The following TAAR5 variants were observed in gnomAD, a reference collection of about 807,000 sequenced individuals.
TAAR5 encodes trace amine-associated receptor 5.
Under a neutral mutation model 21.1 loss-of-function variants are expected in TAAR5, and 27 were observed. That is an observed-to-expected ratio of 1.28 (90% CI 0.94 to 1.76). TAAR5 has a LOEUF of 1.76. TAAR5 is among the 40% of genes most tolerant of loss of function. TAAR5 has a pLI of 0.00. For missense variants in TAAR5, 495 were observed against 405.6 expected (o/e 1.22, Z -1.89); for synonymous variants, 203 against 167.5 (o/e 1.21, Z -1.64).
chr6:132,594,546 C>T (rs937808661), upstream of TAAR5: 8 of 152,152 alleles, frequency 5.3e-5, no homozygotes, highest in African/African-American at 1.9e-4. Context: ...CAGAGGAAGA[C>T]ATTGTACAGA....
At chr6:132,610,849 G>A in the TAAR5 span, among the ~76,000 whole-genome samples, 1 of 152,090 alleles carries the variant, frequency 6.6e-6, no homozygotes, top group Non-Finnish European at 1.5e-5. Flanking sequence ...GGTGATGGGA[G>A]GTGTGCAGGG....
the TAAR5 span, among the ~76,000 whole-genome samples, chr6:132,605,296 G>A: frequency 6.6e-6 from 1 of 152,218 alleles, no homozygotes; most frequent in Non-Finnish European, 1.5e-5. Context: ...GAAGACAGGG[G>A]TGGAAGGGAA....
chr6:132,593,914 G>A (rs558317249), upstream of TAAR5, among the ~76,000 whole-genome samples: 4 of 152,004 alleles, frequency 2.6e-5, no homozygotes, highest in East Asian at 3.9e-4. Context: ...CTCCCTTTCC[G>A]CATCACTAGC....
the TAAR5 span, among the ~76,000 whole-genome samples, chr6:132,613,400 T>G: frequency 6.6e-6 from 1 of 152,220 alleles, no homozygotes; most frequent in Admixed American, 6.5e-5. Context: ...ATAAAAATTA[T>G]GCTAGCTCCT....
chr6:132,611,208 A>G, the TAAR5 span, among the ~76,000 whole-genome samples: 2 of 112,662 alleles, frequency 1.8e-5, no homozygotes, highest in Non-Finnish European at 3.4e-5. Context: ...TTAGGGAGCT[A>G]AAAAAAAGAA....
chr6:132,599,330 T>C, the TAAR5 span, among the ~76,000 whole-genome samples: 5 of 73,546 alleles, frequency 6.8e-5, no homozygotes, highest in Admixed American at 2.2e-4. Context: ...TTTCTTTTTT[T>C]TTTTTTTTTT....
chr6:132,606,170 A>T, the TAAR5 span, among the ~76,000 whole-genome samples: 1 of 152,170 alleles, frequency 6.6e-6, no homozygotes, highest in Non-Finnish European at 1.5e-5. Context: ...CACTACCTTG[A>T]TGACGGATTC....
At chr6:132,615,994 T>C in the TAAR5 span, among the ~76,000 whole-genome samples, 1 of 152,216 alleles carries the variant, frequency 6.6e-6, no homozygotes, top group South Asian at 2.1e-4. Flanking sequence ...ATCTATTTTC[T>C]TCTATTCTAA....
chr6:132,589,742 CAAAAAAAAAAAAAAAAAAAA>C (rs567338856), upstream of TAAR5: 55 of 60,820 alleles, frequency 9.0e-4, no homozygotes, highest in East Asian at 1.7e-3. Flanking sequence ...CACTGGAGGG[CAAAAAAAAAAAAAAAAAAAA>C]AAAAAAAAAA....
At chr6:132,608,090 T>G in the TAAR5 span, 4 of 335,304 alleles carry the variant, frequency 1.2e-5, no homozygotes, top group Admixed American at 4.4e-5. Context: ...AGATAGTGAA[T>G]GTACCTCTTG....
the TAAR5 span, among the ~76,000 whole-genome samples, chr6:132,601,164 A>AGG: frequency 1.7e-5 from 2 of 115,298 alleles, no homozygotes; most frequent in Admixed American, 8.8e-5. Context: ...AGGGAAGGAA[A>AGG]GAAGGAAGAG....
At chr6:132,594,820 T>C in the TAAR5 span, 1 of 152,276 alleles carries the variant, frequency 6.6e-6, no homozygotes, top group East Asian at 1.9e-4. Flanking sequence ...AAGAAAGCTA[T>C]AAAGGAGGCC....
chr6:132,610,977 C>T, the TAAR5 span, among the ~76,000 whole-genome samples: 6 of 152,048 alleles, frequency 3.9e-5, no homozygotes, highest in Admixed American at 2.0e-4. Flanking sequence ...AGCAGAGAAA[C>T]AAGATGAAAG....
chr6:132,590,283 C>T (rs1303413121), upstream of TAAR5, among the ~76,000 whole-genome samples: 2 of 152,160 alleles, frequency 1.3e-5, no homozygotes, highest in Non-Finnish European at 1.5e-5. Flanking sequence ...AAGAATTCAG[C>T]ATGCAAATAT....
the TAAR5 span, among the ~76,000 whole-genome samples, chr6:132,596,289 T>G: frequency 6.6e-6 from 1 of 152,196 alleles, no homozygotes; most frequent in Admixed American, 6.5e-5. Context: ...CCATTGCCCT[T>G]GTAATGTGAA....
chr6:132,602,731 A>T, the TAAR5 span, among the ~76,000 whole-genome samples: 1 of 150,692 alleles, frequency 6.6e-6, no homozygotes, highest in East Asian at 1.9e-4. Context: ...ACAATGTACA[A>T]GTAAAAACAC....
chr6:132,608,542 A>G, the TAAR5 span: 1 of 455,406 alleles, frequency 2.2e-6, no homozygotes, highest in African/African-American at 2.0e-5. Context: ...TTTCTTGGAT[A>G]GGTGTTTTTT....
chr6:132,600,293 T>C, the TAAR5 span, among the ~76,000 whole-genome samples: 2 of 152,204 alleles, frequency 1.3e-5, no homozygotes, highest in Non-Finnish European at 2.9e-5. Context: ...ATGTAAAACA[T>C]TTACATGCCT....
At chr6:132,597,237 T>C in the TAAR5 span, among the ~76,000 whole-genome samples, 2 of 152,144 alleles carry the variant, frequency 1.3e-5, no homozygotes, top group Non-Finnish European at 2.9e-5. Flanking sequence ...TACAGTTACA[T>C]ATAATAAGGA....
Sources: allele counts gnomAD v4.1 joint callset (sites outside exome capture counted in the v4.1 genomes callset), GRCh38; gene constraint gnomAD v4.1.1; transcripts MANE v1.5; gene names NCBI Gene and HGNC (gene_info 2026-07-23, HGNC 2026-07-21).